Variants in LUZP2 observed in about 807,000 individuals in gnomAD.
LUZP2 encodes the protein leucine zipper protein 2.
LUZP2 carries 52 observed loss-of-function variants against 51.6 expected under a neutral mutation model. The observed-to-expected ratio is 1.01, with a 90% CI of 0.81 to 1.27. The LOEUF is 1.27. LUZP2 is among the 50% of genes most tolerant of loss of function. LUZP2 has a pLI of 0.00. For synonymous variants in LUZP2, 154 were observed against 137.3 expected, an observed-to-expected ratio of 1.12 and a Z score of -0.85; for missense variants, 436 against 395.4, an observed-to-expected ratio of 1.10 and a Z score of -0.87.
intron 1 of LUZP2, among the ~76,000 whole-genome samples, chr11:24,645,161 C>T (rs993080252): frequency 6.6e-6 from 1 of 151,984 alleles, no homozygotes; most frequent in Non-Finnish European, 1.5e-5. Context: ...GACTGTTTTG[C>T]CTATTGCAAA....
intron 1 of LUZP2, among the ~76,000 whole-genome samples, chr11:24,697,635 A>G (rs1857289189): frequency 6.6e-6 from 1 of 152,168 alleles, no homozygotes; most frequent in Admixed American, 6.5e-5. Flanking sequence ...TGGAAACCAA[A>G]ACTGCCTTGG....
At chr11:24,918,060 A>C (rs1163846316) in intron 7 of LUZP2, among the ~76,000 whole-genome samples, 1 of 151,938 alleles carries the variant, frequency 6.6e-6, no homozygotes, top group East Asian at 1.9e-4. Flanking sequence ...CATCCCTTGT[A>C]AGTTGGATTC....
At chr11:25,057,446 T>C (rs1373325434) in intron 10 of LUZP2, among the ~76,000 whole-genome samples, 6 of 152,144 alleles carry the variant, frequency 3.9e-5, no homozygotes, top group Non-Finnish European at 8.8e-5. Context: ...GTTTGGGGTA[T>C]GTACAAGTTA....
At chr11:24,849,053 CT>C (rs1433898055) in intron 5 of LUZP2, among the ~76,000 whole-genome samples, 11 of 151,996 alleles carry the variant, frequency 7.2e-5, no homozygotes, top group African/African-American at 2.4e-4. Context: ...TCTCACCACA[CT>C]TTTTTTGCTA....
intron 4 of LUZP2, among the ~76,000 whole-genome samples, chr11:24,754,388 G>A (rs1201214435): frequency 6.6e-6 from 1 of 152,088 alleles, no homozygotes; most frequent in Non-Finnish European, 1.5e-5. Flanking sequence ...ACCCTTCACT[G>A]TTCTCTGGTT....
At chr11:24,504,318 A>T (rs1443070494) in intron 1 of LUZP2, among the ~76,000 whole-genome samples, 3 of 152,162 alleles carry the variant, frequency 2.0e-5, no homozygotes, top group Non-Finnish European at 4.4e-5. Flanking sequence ...GCTTTAATAT[A>T]AGGTTACATT....
At chr11:24,719,177 T>C (rs1051665143) in intron 1 of LUZP2, among the ~76,000 whole-genome samples, 6 of 152,068 alleles carry the variant, frequency 3.9e-5, no homozygotes, top group Non-Finnish European at 7.4e-5. Context: ...ATTAAATGGA[T>C]TAGAAAAGCA....
chr11:24,854,660 G>A (rs1851498387), intron 5 of LUZP2, among the ~76,000 whole-genome samples: 1 of 78,726 alleles, frequency 1.3e-5, no homozygotes, highest in Non-Finnish European at 2.6e-5. Flanking sequence ...AGGCATCACT[G>A]GGATATGAAA....
At chr11:24,946,602 T>A (rs982875883) in intron 7 of LUZP2, among the ~76,000 whole-genome samples, 9 of 151,936 alleles carry the variant, frequency 5.9e-5, no homozygotes, top group African/African-American at 1.9e-4. Flanking sequence ...AGAAATCTTA[T>A]ACCTATATAG....
intron 1 of LUZP2, among the ~76,000 whole-genome samples, chr11:24,607,796 T>C (rs1188591894): frequency 1.3e-5 from 2 of 151,988 alleles, no homozygotes; most frequent in African/African-American, 4.8e-5. Context: ...TAATTCATTG[T>C]AGTACATCTG....
intron 1 of LUZP2, among the ~76,000 whole-genome samples, chr11:24,591,834 G>A (rs996922891): frequency 3.9e-5 from 6 of 152,174 alleles, no homozygotes; most frequent in Admixed American, 1.3e-4. Flanking sequence ...AAAATAAAAA[G>A]TAATAATAAA....
intron 1 of LUZP2, among the ~76,000 whole-genome samples, chr11:24,641,449 G>A (rs1229478524): frequency 6.6e-6 from 1 of 151,748 alleles, no homozygotes; most frequent in East Asian, 1.9e-4. Context: ...AAAATTGTGT[G>A]TTAATTTATG....
chr11:24,510,035 T>G (rs1850261179), intron 1 of LUZP2, among the ~76,000 whole-genome samples: 1 of 152,176 alleles, frequency 6.6e-6, no homozygotes, highest in Non-Finnish European at 1.5e-5. Flanking sequence ...TCACAACATC[T>G]TATGTAGCAA....
At chr11:24,955,524 A>C (rs1407434491) in intron 7 of LUZP2, among the ~76,000 whole-genome samples, 1 of 152,040 alleles carries the variant, frequency 6.6e-6, no homozygotes, top group Non-Finnish European at 1.5e-5. Flanking sequence ...AAATATAATA[A>C]AGAAATAAAA....
chr11:24,930,649 C>T (rs1854418865), intron 7 of LUZP2, among the ~76,000 whole-genome samples: 2 of 152,196 alleles, frequency 1.3e-5, no homozygotes, highest in South Asian at 4.1e-4. Flanking sequence ...CCTCATAGCT[C>T]CTGAAATACT....
At chr11:24,555,803 T>G (rs1181651748) in intron 1 of LUZP2, among the ~76,000 whole-genome samples, 1 of 152,062 alleles carries the variant, frequency 6.6e-6, no homozygotes, top group African/African-American at 2.4e-5. Flanking sequence ...AGTGAGACCC[T>G]TTCTCTACAA....
chr11:24,988,602 C>T (rs1856249665), intron 9 of LUZP2, among the ~76,000 whole-genome samples: 1 of 151,950 alleles, frequency 6.6e-6, no homozygotes, highest in African/African-American at 2.4e-5. Context: ...TAAAATATGA[C>T]TATGTAATGT....
intron 9 of LUZP2, among the ~76,000 whole-genome samples, chr11:25,022,487 A>C (rs923958308): frequency 6.6e-6 from 1 of 152,136 alleles, no homozygotes; most frequent in Admixed American, 6.6e-5. Flanking sequence ...AATGCAATTT[A>C]TATCAATTGT....
intron 11 of LUZP2, among the ~76,000 whole-genome samples, chr11:25,077,899 G>A (rs1291212300): frequency 6.6e-6 from 1 of 152,074 alleles, no homozygotes; most frequent in African/African-American, 2.4e-5. Flanking sequence ...GCTTTTCCAA[G>A]GCTGCTCTGC....
Sources: allele counts gnomAD v4.1 joint callset (sites outside exome capture counted in the v4.1 genomes callset), GRCh38; gene constraint gnomAD v4.1.1; transcripts MANE v1.5; gene names NCBI Gene and HGNC (gene_info 2026-07-23, HGNC 2026-07-21).